The following IL1RAPL1 variants were observed in gnomAD, a reference collection of about 807,000 sequenced individuals.
IL1RAPL1 encodes interleukin 1 receptor accessory protein like 1.
Under a neutral mutation model 48.4 loss-of-function variants are expected in IL1RAPL1, and 3 were observed. That is an observed-to-expected ratio of 0.06 (90% CI 0.03 to 0.16). The LOEUF (loss-of-function observed/expected upper bound fraction) is 0.16, where lower values mean the gene tolerates loss of function less well. Among genes scored for constraint, IL1RAPL1 ranks in the 10% least tolerant of loss-of-function variants. IL1RAPL1 has a pLI of 1.00. For missense variants in IL1RAPL1, 349 were observed against 530.6 expected, an observed-to-expected ratio of 0.66 and a Z score of 3.36; for synonymous variants, 185 against 187.7, an observed-to-expected ratio of 0.99 and a Z score of 0.12.
chrX:29,552,787 A>G (rs1378242935), intron 5 of IL1RAPL1, among the ~76,000 whole-genome samples: 1 of 62,017 alleles, frequency 1.6e-5, no homozygotes, highest in African/African-American at 6.1e-5. Context: ...AAGTTCATTC[A>G]TGTTTTTCAC....
At chrX:29,669,862 A>G (rs1395236815) in intron 6 of IL1RAPL1, among the ~76,000 whole-genome samples, 1 of 111,806 alleles carries the variant, frequency 8.9e-6, no homozygotes, top group Non-Finnish European at 1.9e-5. Context: ...TGGCATCCTT[A>G]ATTACACTAG....
chrX:29,845,454 T>C (rs1406479524), intron 6 of IL1RAPL1, among the ~76,000 whole-genome samples: 1 of 111,384 alleles, frequency 9.0e-6, no homozygotes, highest in Non-Finnish European at 1.9e-5. Context: ...ATATATAAGC[T>C]AGAATAATTA....
At chrX:29,459,182 G>A (rs1934774617) in intron 5 of IL1RAPL1, among the ~76,000 whole-genome samples, 1 of 111,882 alleles carries the variant, frequency 8.9e-6, no homozygotes, top group Non-Finnish European at 1.9e-5. Context: ...TTGAAGCCTG[G>A]TAGATGAGGT....
At chrX:28,694,098 G>T (rs755892108) in intron 1 of IL1RAPL1, among the ~76,000 whole-genome samples, 48 of 110,894 alleles carry the variant, frequency 4.3e-4, no homozygotes, top group African/African-American at 1.5e-3. Context: ...TTTTCTTCTG[G>T]AAACACCCTT....
intron 6 of IL1RAPL1, among the ~76,000 whole-genome samples, chrX:29,898,752 A>C (rs1932438681): frequency 8.9e-6 from 1 of 112,252 alleles, no homozygotes; most frequent in Admixed American, 9.5e-5. Context: ...ATTTTCCTAA[A>C]GACAAGAAGA....
intron 6 of IL1RAPL1, among the ~76,000 whole-genome samples, chrX:29,790,016 G>A (rs904877037): frequency 1.8e-5 from 2 of 110,995 alleles, no homozygotes; most frequent in African/African-American, 3.3e-5. Flanking sequence ...ATTCATAAGT[G>A]TAATCCTCCT....
At chrX:28,672,713 T>C (rs1934959493) in intron 1 of IL1RAPL1, among the ~76,000 whole-genome samples, 4 of 111,801 alleles carry the variant, frequency 3.6e-5, no homozygotes, top group Middle Eastern at 9.2e-3. Context: ...ATCCATTATT[T>C]CCAGGGTCCT....
intron 1 of IL1RAPL1, among the ~76,000 whole-genome samples, chrX:28,663,713 A>G (rs978740066): frequency 1.8e-5 from 2 of 109,466 alleles, no homozygotes. Flanking sequence ...AACTGCCTTT[A>G]CATAGCGATC....
At chrX:29,063,159 C>G (rs192913755) in intron 2 of IL1RAPL1, among the ~76,000 whole-genome samples, 1 of 110,939 alleles carries the variant, frequency 9.0e-6, no homozygotes, top group East Asian at 2.8e-4. Context: ...GGAGTTTTCT[C>G]CAAATAAAAC....
Position 29,634,517 on chromosome X carries a change from T to G in IL1RAPL1, c.704-33913T>G, listed in dbSNP as rs189738455. Among the ~76,000 whole-genome samples the G allele has an allele frequency of 7.8e-3, 866 of 111,189 alleles. 6 individuals carry two copies. The highest frequency in any genetic ancestry group is 0.012 in the Non-Finnish European group (649 of 53,019). On this transcript the variant is annotated intron_variant, in intron 5 of 10. Transcript: ENST00000378993. Reference sequence around the variant, plus strand: ...TAGACTCCCTCCTACCACCCCTCTATGCTTATCTACCAGGACCCTGGCAGT... The same window carrying G: ...TAGACTCCCTCCTACCACCCCTCTAGGCTTATCTACCAGGACCCTGGCAGT...
intron 8 of IL1RAPL1, among the ~76,000 whole-genome samples, chrX:29,938,958 A>ATAGTT (rs1933080305): frequency 8.9e-6 from 1 of 112,346 alleles, no homozygotes. Flanking sequence ...TGAACATACA[A>ATAGTT]TAGTTTGTTC....
At chrX:29,953,830 T>C (rs1933361277) in intron 9 of IL1RAPL1, among the ~76,000 whole-genome samples, 1 of 110,796 alleles carries the variant, frequency 9.0e-6, no homozygotes, top group Non-Finnish European at 1.9e-5. Flanking sequence ...CTCTCTTTTT[T>C]CAACTGGGTA....
chrX:28,633,340 G>A (rs1934422526), intron 1 of IL1RAPL1, among the ~76,000 whole-genome samples: 1 of 111,494 alleles, frequency 9.0e-6, no homozygotes, highest in Admixed American at 9.6e-5. Flanking sequence ...CTGCCTTAAA[G>A]CTTAAGAACA....
At chrX:29,450,723 A>G (rs1470116943) in intron 5 of IL1RAPL1, among the ~76,000 whole-genome samples, 1 of 112,036 alleles carries the variant, frequency 8.9e-6, no homozygotes, top group Non-Finnish European at 1.9e-5. Context: ...AACCGTTCCT[A>G]TTAATATTTA....
intron 1 of IL1RAPL1, among the ~76,000 whole-genome samples, chrX:28,620,574 C>T (rs183645265): frequency 8.1e-5 from 9 of 111,700 alleles, no homozygotes; most frequent in Non-Finnish European, 1.1e-4. Flanking sequence ...AGATATTCTG[C>T]GTCTTCCTTC....
At chrX:29,545,233 A>ATCTG (rs1382379606) in intron 5 of IL1RAPL1, among the ~76,000 whole-genome samples, 15 of 94,092 alleles carry the variant, frequency 1.6e-4, no homozygotes, top group Non-Finnish European at 2.6e-4. Flanking sequence ...CTATCTATCT[A>ATCTG]TCTATCTATT....
chrX:29,906,323 A>G (rs1433897876), intron 6 of IL1RAPL1, among the ~76,000 whole-genome samples: 1 of 92,178 alleles, frequency 1.1e-5, no homozygotes, highest in African/African-American at 4.5e-5. Context: ...TGATAGAGCG[A>G]GACTCTGTCT....
intron 2 of IL1RAPL1, among the ~76,000 whole-genome samples, chrX:29,238,645 A>G (rs1005518520): frequency 8.9e-6 from 1 of 111,868 alleles, no homozygotes; most frequent in Non-Finnish European, 1.9e-5. Context: ...ACTTGCCTCA[A>G]TTTCTTTCTA....
chrX:29,308,318 G>A (rs1056052602), intron 3 of IL1RAPL1, among the ~76,000 whole-genome samples: 1 of 111,574 alleles, frequency 9.0e-6, no homozygotes, highest in African/African-American at 3.3e-5. Flanking sequence ...AAGACATCAT[G>A]CATTCCTAAA....
Sources: allele counts gnomAD v4.1 joint callset (sites outside exome capture counted in the v4.1 genomes callset), GRCh38; gene constraint gnomAD v4.1.1; transcripts MANE v1.5; gene names NCBI Gene and HGNC (gene_info 2026-07-23, HGNC 2026-07-21).